The following PRKN variants were observed in gnomAD, a reference collection of about 807,000 sequenced individuals.
PRKN encodes E3 ubiquitin-protein ligase parkin.
Under a neutral mutation model 59.5 loss-of-function variants are expected in PRKN, and 56 were observed. That is an observed-to-expected ratio of 0.94 (90% confidence interval 0.76 to 1.18). The LOEUF (loss-of-function observed/expected upper bound fraction) is 1.18. Among genes scored for constraint, PRKN ranks in the 50% most tolerant of loss-of-function variants. The probability of loss-of-function intolerance (pLI) is 0.00; values close to 1 mark genes in which losing one functional copy is unlikely to be tolerated. For missense variants in PRKN, 657 were observed against 596.4 expected (o/e 1.10, Z -1.06); for synonymous variants, 250 against 222.1 (o/e 1.13, Z -1.12).
chr6:161,850,147 C>T (rs1793367171), intron 6 of PRKN, among the ~76,000 whole-genome samples: 1 of 152,002 alleles, frequency 6.6e-6, no homozygotes, highest in Admixed American at 6.5e-5. Context: ...TTATATGACT[C>T]CTGGAAGACA....
intron 4 of PRKN, among the ~76,000 whole-genome samples, chr6:162,057,127 C>A (rs1464271521): frequency 6.6e-6 from 1 of 152,018 alleles, no homozygotes; most frequent in Non-Finnish European, 1.5e-5. Flanking sequence ...CAATGTTCTC[C>A]CAGGCACATA....
At chr6:161,856,992 G>A (rs1432205929) in intron 6 of PRKN, among the ~76,000 whole-genome samples, 1 of 50,326 alleles carries the variant, frequency 2.0e-5, no homozygotes, top group Non-Finnish European at 4.4e-5. Context: ...TACTTTGGGA[G>A]GCTGAGGCAG....
At chr6:161,719,426 G>A (rs1787128714) in intron 7 of PRKN, among the ~76,000 whole-genome samples, 1 of 152,246 alleles carries the variant, frequency 6.6e-6, no homozygotes, top group South Asian at 2.1e-4. Context: ...TGTGGGGCTT[G>A]CAGTCTCTAT....
chr6:162,695,032 C>G (rs1392972508), intron 1 of PRKN: 1 of 152,150 alleles, frequency 6.6e-6, no homozygotes, highest in Non-Finnish European at 1.5e-5. Context: ...CCTATCATGT[C>G]CACACCTGTC....
At chr6:162,585,912 C>T (rs1439282339) in intron 1 of PRKN, among the ~76,000 whole-genome samples, 2 of 152,054 alleles carry the variant, frequency 1.3e-5, no homozygotes, top group Non-Finnish European at 2.9e-5. Context: ...ACCATGTTAG[C>T]CAGGCTGGTC....
intron 6 of PRKN, among the ~76,000 whole-genome samples, chr6:161,787,050 A>C (rs1473251453): frequency 6.6e-6 from 1 of 152,192 alleles, no homozygotes; most frequent in East Asian, 1.9e-4. Flanking sequence ...ATTGGAGTCT[A>C]TTTAGATAAG....
At chr6:161,350,621 TA>T (rs1470261296) in intron 11 of PRKN, among the ~76,000 whole-genome samples, 6 of 112,492 alleles carry the variant, frequency 5.3e-5, no homozygotes, top group East Asian at 2.3e-4. Flanking sequence ...AAAATATATA[TA>T]TTTTTATATA....
intron 1 of PRKN, among the ~76,000 whole-genome samples, chr6:162,543,005 C>A (rs1226373340): frequency 6.6e-6 from 1 of 152,156 alleles, no homozygotes; most frequent in Non-Finnish European, 1.5e-5. Flanking sequence ...TGAGGCAACA[C>A]TGAGCAAACT....
At chr6:161,590,158 A>T (rs1467161652) in intron 7 of PRKN, among the ~76,000 whole-genome samples, 1 of 152,176 alleles carries the variant, frequency 6.6e-6, no homozygotes, top group Non-Finnish European at 1.5e-5. Context: ...TTAAATAAAT[A>T]TCCTAAAATT....
chr6:161,849,051 A>G (rs1031679426), intron 6 of PRKN, among the ~76,000 whole-genome samples: 1 of 152,180 alleles, frequency 6.6e-6, no homozygotes, highest in African/African-American at 2.4e-5. Context: ...GCAGTTCCAG[A>G]TGAGGTGCTA....
At chr6:161,580,567 C>T (rs1024948673) in intron 7 of PRKN, among the ~76,000 whole-genome samples, 1 of 152,068 alleles carries the variant, frequency 6.6e-6, no homozygotes, top group African/African-American at 2.4e-5. Context: ...ACCTCTGCCT[C>T]CCAGGTTCAA....
At chr6:162,724,203 A>C (rs933562947) in intron 1 of PRKN, among the ~76,000 whole-genome samples, 1 of 152,236 alleles carries the variant, frequency 6.6e-6, no homozygotes, top group African/African-American at 2.4e-5. Flanking sequence ...ACATTTTTCT[A>C]AATTGAATTC....
intron 9 of PRKN, among the ~76,000 whole-genome samples, chr6:161,537,503 G>C (rs1779455450): frequency 6.6e-6 from 1 of 151,382 alleles, no homozygotes; most frequent in Non-Finnish European, 1.5e-5. Flanking sequence ...CCAGGCTGGA[G>C]TTTAGTGGCG....
chr6:161,762,625 G>C (rs1562664333), intron 7 of PRKN, among the ~76,000 whole-genome samples: 1 of 152,114 alleles, frequency 6.6e-6, no homozygotes, highest in African/African-American at 2.4e-5. Context: ...TATAAATTTA[G>C]ATTTAAATAA....
intron 7 of PRKN, among the ~76,000 whole-genome samples, chr6:161,752,080 C>T (rs747164547): frequency 6.6e-6 from 1 of 152,224 alleles, no homozygotes; most frequent in African/African-American, 2.4e-5. Context: ...CTAAGGAATC[C>T]GTTTTGGGAC....
chr6:162,192,813 A>G (rs1784339950), intron 4 of PRKN, among the ~76,000 whole-genome samples: 1 of 152,178 alleles, frequency 6.6e-6, no homozygotes, highest in South Asian at 2.1e-4. Context: ...TCAAACTAGC[A>G]GCATGGGTCA....
At position 161,812,393 on chromosome 6, in the gene PRKN, AG is replaced by A. The variant is rs1258104531; in HGVS notation, c.735-26486del. On this transcript the variant is annotated intron_variant, in intron 6 of 11. Coordinates refer to ENST00000366898, the MANE Select transcript of PRKN (RefSeq NM_004562.3). Reference sequence around the variant, plus strand: ...AACAGAGCAAAAGCCTGTGTCCAAAAGGGGGAAAAAAAACTTTGAAAGTCAC... The same window carrying A: ...AACAGAGCAAAAGCCTGTGTCCAAAAGGGGAAAAAAAACTTTGAAAGTCAC... Among the ~76,000 whole-genome samples the A allele has an allele frequency of 1.2e-4, 19 of 152,272 alleles. 1 individual carries two copies. The highest frequency in any genetic ancestry group is 4.3e-4 in the African/African-American group (18 of 41,556).
chr6:162,347,611 G>A (rs1784457836), intron 2 of PRKN, among the ~76,000 whole-genome samples: 1 of 151,918 alleles, frequency 6.6e-6, no homozygotes, highest in African/African-American at 2.4e-5. Flanking sequence ...ATAAATTTGT[G>A]TCAGATATAG....
chr6:161,382,723 A>G (rs17560782), intron 10 of PRKN, among the ~76,000 whole-genome samples: 1 of 152,142 alleles, frequency 6.6e-6, no homozygotes, highest in Non-Finnish European at 1.5e-5. Context: ...AGCAGTTTCA[A>G]CGTAAAGCTT....
Sources: allele counts gnomAD v4.1 joint callset (sites outside exome capture counted in the v4.1 genomes callset), GRCh38; gene constraint gnomAD v4.1.1; transcripts MANE v1.5; gene names NCBI Gene and HGNC (gene_info 2026-07-23, HGNC 2026-07-21).